Variants in LAMB1 observed in about 807,000 individuals in gnomAD.
LAMB1 encodes laminin subunit beta 1.
In LAMB1, 121 loss-of-function variants were observed where a neutral mutation model predicts 222.3. That is an observed-to-expected ratio of 0.54 (90% confidence interval 0.47 to 0.63). The LOEUF (loss-of-function observed/expected upper bound fraction) is 0.63. Ranked by LOEUF, LAMB1 falls within the 30% of genes least tolerant of loss-of-function variation. The pLI is 0.00. For synonymous variants in LAMB1, 794 were observed against 807.2 expected (o/e 0.98, Z 0.28); for missense variants, 2,172 against 2,240.8 (o/e 0.97, Z 0.62).
chr7:107,934,607 G>A (rs375386645), intron 27 of LAMB1, among the ~76,000 whole-genome samples: 1 of 152,024 alleles, frequency 6.6e-6, no homozygotes, highest in South Asian at 2.1e-4. Context: ...TGGTTTCAGG[G>A]TTAATCTTCA....
Position 107,935,347 on chromosome 7 carries a change from G to GTTTTTTT in LAMB1, c.4188+61_4188+67dup, listed in dbSNP as rs200599445. On this transcript the variant is annotated intron_variant, in intron 27 of 33. Coordinates refer to ENST00000222399, the MANE Select transcript of LAMB1 (RefSeq NM_002291.3). ...GACAAAAGATGGTTTGTTTTTCTTT[G>GTTTTTTT]TTTTTTTTTTTTTTTTTTTTTTTTT... 4.6e-5 allele frequency: 54 copies of GTTTTTTT among 1,173,252 alleles called. 5 individuals are homozygous for GTTTTTTT. Among genetic ancestry groups the GTTTTTTT allele is most frequent in the Middle Eastern group, 3.0e-4 (1 of 3,290 alleles). The allele number at this position is 1,173,252 out of a possible 1,614,324, so 72.7% of individuals were successfully genotyped here.
intron 2 of LAMB1, 64 bp from the exon 3 acceptor site, chr7:108,001,797 G>GA: frequency 1.3e-6 from 2 of 1,588,736 alleles, no homozygotes; most frequent in Non-Finnish European, 1.7e-6. Context: ...CGAAAAAAAC[G>GA]AACAAGCGGG....
chr7:107,978,299 GTTGTTT>G, intron 8 of LAMB1, 132 bp from the exon 9 acceptor site: 1 of 1,043,682 alleles, frequency 9.6e-7, no homozygotes, highest in Non-Finnish European at 1.4e-6. Flanking sequence ...GGGTTGTTTG[GTTGTTT>G]TTATTTTCTC....
intron 5 of LAMB1, among the ~76,000 whole-genome samples, chr7:107,994,678 G>A (rs778872657): frequency 2.3e-4 from 35 of 152,150 alleles, no homozygotes; most frequent in Non-Finnish European, 4.7e-4. Context: ...TTAGAATAGA[G>A]GCTCTTTCTA....
chr7:107,940,489 C>T, intron 24 of LAMB1, 131 bp from the exon 25 acceptor site: 2 of 954,216 alleles, frequency 2.1e-6, no homozygotes, highest in Non-Finnish European at 3.1e-6. Context: ...TGACCAATGG[C>T]TCAGGTAGAG....
chr7:107,940,151 A>C lies in LAMB1; in HGVS notation c.3599T>G (p.Phe1200Cys). ...CTTCAAGGCCTTGGCTTTCTCCAGGAATCTGTGTGTCCTGTTGGTCAGCTC... is the reference window on the plus strand; with the variant it reads ...CTTCAAGGCCTTGGCTTTCTCCAGGCATCTGTGTGTCCTGTTGGTCAGCTC... ...IAELTNRTHR[F>C]LEKAKALKIS... is the part of the protein sequence containing the mutation. Residue 1200 changes from phenylalanine to cysteine, a missense_variant, in exon 25 of 34, where the codon TTC becomes TGC. Transcript: ENST00000222399. The C allele has an allele frequency of 6.2e-7, 1 of 1,614,074 alleles. No individual in the cohort carries two copies. The highest frequency in any genetic ancestry group is 8.5e-7 in the Non-Finnish European group (1 of 1,180,024).
chr7:107,932,959 G>C (rs1169572153), intron 27 of LAMB1, among the ~76,000 whole-genome samples: 1 of 152,250 alleles, frequency 6.6e-6, no homozygotes. Context: ...AGTTGTAGCT[G>C]AAGAAGCTGT....
chr7:107,978,208 G>A, intron 8 of LAMB1, 41 bp from the exon 9 acceptor site: 2 of 1,600,876 alleles, frequency 1.2e-6, no homozygotes, highest in Non-Finnish European at 1.7e-6. Context: ...AGGAAGAGAT[G>A]TATGAATAGC....
At position 108,002,917 on chromosome 7, in the gene LAMB1, G is replaced by A. The variant is rs1318812945; in HGVS notation, c.-32C>T. ...TCCCTGCAGCCACGGGGACGCGGCAGAGGAGTGGAGAAGACGCCCGCCGAG... is the reference window on the plus strand; with the variant it reads ...TCCCTGCAGCCACGGGGACGCGGCAAAGGAGTGGAGAAGACGCCCGCCGAG... On this transcript the variant is annotated 5_prime_UTR_variant, in exon 2 of 34. Coordinates refer to ENST00000222399, the MANE Select transcript of LAMB1 (RefSeq NM_002291.3). 6.2e-7 allele frequency: 1 copy of A among 1,612,856 alleles called. No individual in the cohort carries two copies.
At position 107,935,584 on chromosome 7, in the gene LAMB1, G is replaced by A. The variant is rs374142831; in HGVS notation, c.4019C>T (p.Thr1340Ile). ...CTGCTCCACAGTGCTGTTGGGTTCT[G>A]TGGTGGAGGCATTCACCCTCTCCTC... The part of the protein sequence containing the change: ...EAEERVNAST[T>I]EPNSTVEQSA... The change falls in exon 27 of 34, where the codon ACA (threonine) becomes ATA (isoleucine). Residue 1340 changes from threonine (T) to isoleucine (I), a missense_variant. By Grantham distance (89) the Thr-to-Ile change is moderately conservative. Coordinates refer to ENST00000222399, the MANE Select transcript of LAMB1 (RefSeq NM_002291.3). 23 of 1,613,778 alleles carry A rather than the reference G, an allele frequency of 1.4e-5. No individual in the cohort carries two copies. Among genetic ancestry groups the A allele is most frequent in the Non-Finnish European group, 1.9e-5 (23 of 1,179,984 alleles).
At chr7:107,932,112 C>A (rs997993933) in intron 28 of LAMB1, 62 bp downstream of exon 28, 35 of 1,407,070 alleles carry the variant, frequency 2.5e-5, no homozygotes, top group Non-Finnish European at 3.5e-5. Flanking sequence ...CCTTTCAGAT[C>A]CTTTAGTCCA....
At chr7:107,928,256 A>G (rs556552518) in intron 31 of LAMB1, among the ~76,000 whole-genome samples, 1 of 152,334 alleles carries the variant, frequency 6.6e-6, no homozygotes. Flanking sequence ...CATTCTAAAC[A>G]GAACAGATTG....
At position 107,980,772 on chromosome 7, in the gene LAMB1, T is replaced by C; in HGVS notation, c.716A>G (p.Lys239Arg). ...KITNLRIKFV[K>R]LHTLGDNLLD... Reference sequence around the variant, plus strand: ...AAGGTTATCTCCCAAAGTATGCAGTTTCACAAACTTGATTCTCAAGTTGGT... The same window carrying C: ...AAGGTTATCTCCCAAAGTATGCAGTCTCACAAACTTGATTCTCAAGTTGGT... The change falls in exon 8 of 34, where the codon AAA (lysine) becomes AGA (arginine). Residue 239 changes from lysine (K) to arginine (R), a missense_variant. Lys to Arg is a conservative substitution (Grantham distance 26, BLOSUM62 2). Transcript: ENST00000222399. The C allele has an allele frequency of 6.2e-7, 1 of 1,612,068 alleles. No individual in the cohort carries two copies. Among genetic ancestry groups the C allele is most frequent in the Non-Finnish European group, 8.5e-7 (1 of 1,178,132 alleles).
chr7:107,946,621 C>T (rs566204877), intron 24 of LAMB1, among the ~76,000 whole-genome samples: 19 of 152,362 alleles, frequency 1.2e-4, no homozygotes, highest in Admixed American at 1.0e-3. Context: ...TCTAGCCTAC[C>T]TCTTCTGAGA....
chr7:107,935,496 T>G lies in LAMB1; in HGVS notation c.4107A>C (p.Glu1369Asp). Residue 1369 changes from glutamate (E) to aspartate (D), a missense_variant, in exon 27 of 34, where the codon GAA (glutamate) becomes GAC (aspartate). By Grantham distance (45) the Glu-to-Asp change is conservative. Transcript: ENST00000222399. Reference sequence around the variant, plus strand: ...GGAGGCGAGCCTGCTCCTCTTGTTTTTCCTTGAACTGGGATTCTCGCTCCA... The same window carrying G: ...GGAGGCGAGCCTGCTCCTCTTGTTTGTCCTTGAACTGGGATTCTCGCTCCA... ...VMMERESQFKEKQEEQARLLD... is the reference protein window; with the variant it reads ...VMMERESQFKDKQEEQARLLD... 1 of 1,613,978 alleles carries G rather than the reference T, an allele frequency of 6.2e-7. No individual in the cohort carries two copies. The highest frequency in any genetic ancestry group is 1.1e-5 in the South Asian group (1 of 91,062).
At chr7:107,976,260 C>T (rs1054584789) in intron 9 of LAMB1, among the ~76,000 whole-genome samples, 3 of 152,140 alleles carry the variant, frequency 2.0e-5, no homozygotes, top group Non-Finnish European at 4.4e-5. Context: ...AGCGAGGGAC[C>T]TTCCAGATGA....
intron 24 of LAMB1, chr7:107,940,647 A>G (rs2032959650): frequency 2.9e-6 from 1 of 343,762 alleles, no homozygotes; most frequent in Admixed American, 4.1e-5. Context: ...TATAATAATC[A>G]CTATTTCACA....
intron 18 of LAMB1, 39 bp from the exon 19 acceptor site, chr7:107,959,873 A>G: frequency 1.3e-6 from 2 of 1,599,064 alleles, no homozygotes; most frequent in South Asian, 1.1e-5. Context: ...GACACGGAGC[A>G]GCACATCATC....
intron 4 of LAMB1, among the ~76,000 whole-genome samples, chr7:107,996,247 C>T (rs1454864677): frequency 6.6e-6 from 1 of 152,088 alleles, no homozygotes; most frequent in African/African-American, 2.4e-5. Context: ...ATGTGTGCAC[C>T]AAAAGCACAT....
Sources: gnomAD v4.1 joint callset for allele counts (sites outside exome capture counted in the v4.1 genomes callset) on GRCh38, gnomAD v4.1.1 for gene constraint, MANE v1.5 for transcripts, NCBI Gene and HGNC (gene_info 2026-07-23, HGNC 2026-07-21) for gene names.